The following RNF17 variants were observed in gnomAD, a reference collection of about 807,000 sequenced individuals.
The protein encoded by RNF17 is spermatogenesis associated 23.
RNF17 carries 31 observed loss-of-function variants against 200.5 expected under a neutral mutation model. That is an observed-to-expected ratio of 0.15 (90% CI 0.12 to 0.21). The LOEUF (loss-of-function observed/expected upper bound fraction) is 0.21, where lower values mean the gene tolerates loss of function less well. RNF17 is among the 10% of genes least tolerant of loss of function. The pLI, the probability that RNF17 is intolerant of heterozygous loss-of-function variation, is 1.00. For synonymous variants in RNF17, 606 were observed against 637.8 expected (o/e 0.95, Z 0.75); for missense variants, 1,628 against 1,905.1 (o/e 0.85, Z 2.71).
At chr13:24,880,716 T>A (rs529813118), downstream of RNF17, among the ~76,000 whole-genome samples, 19 of 152,330 alleles carry the variant, frequency 1.2e-4, no homozygotes, top group African/African-American at 4.6e-4. Context: ...CTAGTACATA[T>A]ACATAGTGAT....
At chr13:24,760,542 C>T (rs1243265841), upstream of RNF17, among the ~76,000 whole-genome samples, 1 of 152,130 alleles carries the variant, frequency 6.6e-6, no homozygotes, top group Non-Finnish European at 1.5e-5. Flanking sequence ...AGTGGGAAAG[C>T]TCTACGTCAC....
At chr13:24,755,789 A>T in the RNF17 span, among the ~76,000 whole-genome samples, 3 of 152,102 alleles carry the variant, frequency 2.0e-5, no homozygotes, top group African/African-American at 7.2e-5. Context: ...TACAGGTCAT[A>T]AAAAAATTGC....
In RNF17 at chr13:24,845,730, G is replaced by T. The variant is rs376120743; in HGVS notation, c.3101+651G>T. Among the ~76,000 whole-genome samples the T allele has an allele frequency of 2.0e-4, 31 of 152,302 alleles. 1 individual carries two copies. The South Asian group carries it at 6.4e-3, about 32-fold the overall frequency. ...CAGCCAAAACTAAGGGATAAGGCAGGATGCAGTTCTTATATGAATGCAAGA... is the reference window on the plus strand; with the variant it reads ...CAGCCAAAACTAAGGGATAAGGCAGTATGCAGTTCTTATATGAATGCAAGA... On this transcript the variant is annotated intron_variant, in intron 22 of 35. Coordinates refer to ENST00000255324, the MANE Select transcript of RNF17 (RefSeq NM_031277.3).
rs1346055424 is a variant in RNF17 at position 24,859,109 on chromosome 13, C to T, written c.3719C>T (p.Ser1240Phe). ...GGAGAAGCATGTGCAGTAAGAGGAT[C>T]CGATACTCTGTGGTATCGTGGCAAG... ...KKGEACAVRGSDTLWYRGKVM... is the reference protein window; with the variant it reads ...KKGEACAVRGFDTLWYRGKVM... Residue 1240 changes from serine (S) to phenylalanine (F), a missense_variant, in exon 26 of 36, where the codon TCC becomes TTC. Coordinates refer to ENST00000255324, the MANE Select transcript of RNF17 (RefSeq NM_031277.3). 1 of 1,612,112 alleles carries T rather than the reference C, an allele frequency of 6.2e-7. No individual in the cohort carries two copies. The highest frequency in any genetic ancestry group is 8.5e-7 in the Non-Finnish European group (1 of 1,178,790).
downstream of RNF17, chr13:24,882,752 T>C (rs1169455779): frequency 1.6e-5 from 3 of 185,926 alleles, no homozygotes; most frequent in Non-Finnish European, 3.4e-5. Flanking sequence ...TAACTGAACA[T>C]AGTAATATTT....
upstream of RNF17, among the ~76,000 whole-genome samples, chr13:24,760,987 G>A (rs1188746959): frequency 6.6e-6 from 1 of 152,132 alleles, no homozygotes; most frequent in Non-Finnish European, 1.5e-5. Context: ...CTGTTGGCAA[G>A]GATATGGAGA....
chr13:24,784,762 A>G (rs140275028), intron 6 of RNF17, among the ~76,000 whole-genome samples: 2,955 of 152,116 alleles, frequency 0.019, 94 homozygotes, highest in African/African-American at 0.067. Flanking sequence ...GCTGGAGTGC[A>G]GTGGCGCGAC....
At chr13:24,805,598 T>C (rs1412478897) in intron 15 of RNF17, among the ~76,000 whole-genome samples, 1 of 152,250 alleles carries the variant, frequency 6.6e-6, no homozygotes, top group African/African-American at 2.4e-5. Flanking sequence ...TCCATTCATC[T>C]ATTGATGGCC....
chr13:24,778,496 T>A, intron 4 of RNF17, 90 bp downstream of exon 4: 1 of 853,108 alleles, frequency 1.2e-6, no homozygotes, highest in Admixed American at 2.0e-5. Context: ...TAATTATAGA[T>A]TCTTTTGGAA....
chr13:24,841,451 A>AT (rs1195581502), intron 18 of RNF17, among the ~76,000 whole-genome samples: 69 of 152,164 alleles, frequency 4.5e-4, no homozygotes, highest in Non-Finnish European at 4.4e-4. Flanking sequence ...CAATGAATGT[A>AT]TTTTTCTGAA....
intron 14 of RNF17, 88 bp from the exon 15 acceptor site, chr13:24,804,200 C>T: frequency 1.7e-6 from 2 of 1,203,032 alleles, no homozygotes; most frequent in Non-Finnish European, 2.4e-6. Flanking sequence ...AGGGTAGAGG[C>T]TGCAGTGAGC....
rs573394211 is a variant in RNF17, at chr13:24,868,622, A to G, written c.4184A>G (p.Asp1395Gly). ...RFEELLSAET[D>G]TPLLPPYLSS... ...TAGGAATTGCTTTCGGCTGAAACAG[A>G]CACTCCTCTTTTACCACCATATTTG... is the stretch of plus-strand genomic sequence containing the variant. Residue 1395 changes from aspartate (D) to glycine (G), a missense_variant, in exon 31 of 36, where the codon GAC (aspartate) becomes GGC (glycine). This residue lies in a region of RNF17 where 609 missense variants were observed against 681.9 expected (regional missense o/e 0.89). Coordinates refer to ENST00000255324, the MANE Select transcript of RNF17 (RefSeq NM_031277.3). The G allele has an allele frequency of 5.0e-6, 8 of 1,605,520 alleles. No individual in the cohort carries two copies. The African/African-American group carries it at 8.0e-5, about 16-fold the overall frequency.
At chr13:24,827,559 G>A (rs1038948537) in intron 16 of RNF17, among the ~76,000 whole-genome samples, 11 of 151,544 alleles carry the variant, frequency 7.3e-5, no homozygotes, top group Admixed American at 1.3e-4. Context: ...AAAATTAGCC[G>A]GGCGTAGTGG....
At chr13:24,883,158 C>T (rs755289851), downstream of RNF17, 4 of 1,607,676 alleles carry the variant, frequency 2.5e-6, no homozygotes, top group Admixed American at 6.7e-5. Flanking sequence ...ACTGTTACTT[C>T]ATGATCACAT....
rs1189415468 is a variant in RNF17 at position 24,831,945 on chromosome 13, G to T, written c.2449G>T (p.Ala817Ser). 1.3e-6 allele frequency: 2 copies of T among 1,598,096 alleles called. No individual in the cohort carries two copies. Among genetic ancestry groups the T allele is most frequent in the Non-Finnish European group, 1.7e-6 (2 of 1,167,672 alleles). Residue 817 changes from alanine (A) to serine (S), a missense_variant, in exon 18 of 36, where the codon GCT becomes TCT. This residue lies in a region of RNF17 where 227 missense variants were observed against 319.8 expected (regional missense o/e 0.71). Coordinates refer to ENST00000255324, the MANE Select transcript of RNF17 (RefSeq NM_031277.3). ...KEAKEKFEEK[A>S]QDKFMTCSVI... ...AGCTAAAGAAAAATTTGAAGAAAAGGCTCAAGATAAATTTATGACATGTTC... is the reference window on the plus strand; with the variant it reads ...AGCTAAAGAAAAATTTGAAGAAAAGTCTCAAGATAAATTTATGACATGTTC...
chr13:24,872,061 C>G (rs746862502), intron 32 of RNF17, among the ~76,000 whole-genome samples: 3 of 148,138 alleles, frequency 2.0e-5, no homozygotes, highest in African/African-American at 7.5e-5. Flanking sequence ...CTTTGCCTCC[C>G]GGGTTCAAAC....
At chr13:24,813,946 G>A (rs1887081749) in intron 15 of RNF17, among the ~76,000 whole-genome samples, 1 of 151,462 alleles carries the variant, frequency 6.6e-6, no homozygotes, top group African/African-American at 2.4e-5. Flanking sequence ...ACAGGCATGA[G>A]CCTCGACACT....
Position 24,774,667 on chromosome 13 carries a change from G to A in RNF17, c.226-146G>A, listed in dbSNP as rs75194739. On this transcript the variant is annotated intron_variant, in intron 2 of 35. Transcript: ENST00000255324. ...GTGGGTCAAAAACTCATATAAGCAC[G>A]GTTTTCTCCTTGATTTACAGGGGAT... 590 of 473,708 alleles carry A rather than the reference G, an allele frequency of 1.2e-3. 1 individual carries two copies. Among genetic ancestry groups the A allele is most frequent in the African/African-American group, 0.011 (533 of 50,100 alleles). The allele number at this position is 473,708 out of a possible 1,614,324, so 29.3% of individuals were successfully genotyped here.
rs1049152207 is a variant in RNF17, at chr13:24,801,662, A to T, written c.1759-719A>T. Among the ~76,000 whole-genome samples the T allele has an allele frequency of 3.9e-5, 6 of 152,134 alleles. 1 individual carries two copies. Among genetic ancestry groups the T allele is most frequent in the Non-Finnish European group, 7.4e-5 (5 of 67,998 alleles). On this transcript the variant is annotated intron_variant, in intron 13 of 35. Transcript: ENST00000255324. ...TTGCCCAGTGGGTGGATTTTTTTTT[A>T]AATCACTTAAGTAGCATAAATCTTA...
Sources: gnomAD v4.1 joint callset for allele counts (sites outside exome capture counted in the v4.1 genomes callset) on GRCh38, gnomAD v4.1.1 for gene constraint, gnomAD v4.1.1 regional missense constraint, MANE v1.5 for transcripts, NCBI Gene and HGNC (gene_info 2026-07-23, HGNC 2026-07-21) for gene names.